JAM3: variants seen among roughly 807,000 people sequenced by gnomAD.
JAM3 encodes junctional adhesion molecule C.
Under a neutral mutation model 39.4 loss-of-function variants are expected in JAM3, and 31 were observed. That is an observed-to-expected ratio of 0.79 (90% confidence interval 0.59 to 1.06). The LOEUF (loss-of-function observed/expected upper bound fraction) is 1.06, where lower values mean the gene tolerates loss of function less well. Ranked by LOEUF, JAM3 falls within the 50% of genes least tolerant of loss-of-function variation. JAM3 has a pLI of 0.00. For synonymous variants in JAM3, 182 were observed against 148.7 expected (o/e 1.22, Z -1.63); for missense variants, 455 against 391.4 (o/e 1.16, Z -1.37).
intron 1 of JAM3, among the ~76,000 whole-genome samples, chr11:134,103,031 G>A (rs191172250): frequency 4.6e-5 from 7 of 152,170 alleles, no homozygotes; most frequent in African/African-American, 7.2e-5. Flanking sequence ...GATACTCCTC[G>A]AGAAGAGCAA....
At chr11:134,113,065 C>G (rs999308597) in intron 1 of JAM3, among the ~76,000 whole-genome samples, 1 of 152,132 alleles carries the variant, frequency 6.6e-6, no homozygotes, top group Non-Finnish European at 1.5e-5. Context: ...ATCTCGGTCA[C>G]TTGAATCTTC....
rs141271744 is a variant in JAM3 at position 134,129,624 on chromosome 11, T to C, written c.77-10227T>C. Among the ~76,000 whole-genome samples the C allele has an allele frequency of 1.0e-3, 156 of 152,350 alleles. 1 individual carries two copies. In the East Asian group the frequency reaches 0.027, roughly 26 times the overall value. On this transcript the variant is annotated intron_variant, in intron 1 of 8. Coordinates refer to ENST00000299106, the MANE Select transcript of JAM3 (RefSeq NM_032801.5). ...TCTTCTAAAATGTTTAACTTACTTATCTTCAGTTATTGGTGAAAGAAGGGT... is the reference window on the plus strand; with the variant it reads ...TCTTCTAAAATGTTTAACTTACTTACCTTCAGTTATTGGTGAAAGAAGGGT...
intron 1 of JAM3, among the ~76,000 whole-genome samples, chr11:134,125,813 C>T (rs1439925964): frequency 1.3e-5 from 2 of 152,194 alleles, no homozygotes; most frequent in African/African-American, 2.4e-5. Flanking sequence ...GGAGAAAGCA[C>T]AGTGTCTGCT....
At chr11:134,124,594 A>G (rs1942607016) in intron 1 of JAM3, among the ~76,000 whole-genome samples, 1 of 152,242 alleles carries the variant, frequency 6.6e-6, no homozygotes, top group South Asian at 2.1e-4. Context: ...AAAAAATCCA[A>G]CTACATAAGC....
intron 1 of JAM3, among the ~76,000 whole-genome samples, chr11:134,125,157 C>G (rs1039427216): frequency 2.6e-5 from 4 of 152,240 alleles, no homozygotes; most frequent in Non-Finnish European, 5.9e-5. Context: ...ACAACGGCTA[C>G]AGCCCGGCCG....
At chr11:134,110,149 T>G (rs1942281968) in intron 1 of JAM3, among the ~76,000 whole-genome samples, 1 of 152,188 alleles carries the variant, frequency 6.6e-6, no homozygotes, top group Non-Finnish European at 1.5e-5. Context: ...TGACAAAAAC[T>G]AAAAAGATTG....
chr11:134,073,240 T>C (rs1226734567), intron 1 of JAM3, among the ~76,000 whole-genome samples: 6 of 152,206 alleles, frequency 3.9e-5, no homozygotes. Flanking sequence ...TGTTTTGTGT[T>C]GGTGTGTTTC....
intron 1 of JAM3, among the ~76,000 whole-genome samples, chr11:134,089,806 T>A (rs1376648904): frequency 6.6e-6 from 1 of 152,198 alleles, no homozygotes; most frequent in African/African-American, 2.4e-5. Flanking sequence ...TGATTTATAA[T>A]CCTTTGGGTA....
intron 1 of JAM3, among the ~76,000 whole-genome samples, chr11:134,118,969 CTT>C (rs61244231): frequency 3.2e-4 from 45 of 140,358 alleles, no homozygotes; most frequent in African/African-American, 5.0e-4. Flanking sequence ...CTCAAGAAAT[CTT>C]TTTTTTTTTT....
intron 1 of JAM3, among the ~76,000 whole-genome samples, chr11:134,094,614 CT>C: frequency 6.6e-6 from 1 of 151,190 alleles, no homozygotes; most frequent in Non-Finnish European, 1.5e-5. Flanking sequence ...CTGAGGGAAG[CT>C]TCTCCTGAAC....
intron 1 of JAM3, chr11:134,139,532 C>G (rs1267257335): frequency 2.8e-6 from 1 of 361,030 alleles, no homozygotes; most frequent in Admixed American, 3.8e-5. Context: ...CCGGGCAGGT[C>G]TGGGAGGAGA....
chr11:134,076,893 G>C (rs1393181680), intron 1 of JAM3, among the ~76,000 whole-genome samples: 1 of 147,594 alleles, frequency 6.8e-6, no homozygotes, highest in African/African-American at 2.5e-5. Flanking sequence ...GGAGTGCAGT[G>C]GTGCGATCTC....
At chr11:134,094,910 A>G (rs1465532208) in intron 1 of JAM3, among the ~76,000 whole-genome samples, 1 of 152,258 alleles carries the variant, frequency 6.6e-6, no homozygotes, top group Non-Finnish European at 1.5e-5. Flanking sequence ...ACATTTGTTG[A>G]ATAAATGACT....
intron 1 of JAM3, among the ~76,000 whole-genome samples, chr11:134,081,956 G>A (rs970104810): frequency 2.0e-5 from 3 of 152,268 alleles, no homozygotes; most frequent in African/African-American, 7.2e-5. Flanking sequence ...GTGTGACCTG[G>A]ATATGAGACT....
At chr11:134,086,718 G>A (rs1011539502) in intron 1 of JAM3, among the ~76,000 whole-genome samples, 2 of 152,104 alleles carry the variant, frequency 1.3e-5, no homozygotes, top group South Asian at 2.1e-4. Flanking sequence ...AAAATGCCAC[G>A]TAAATAGATA....
chr11:134,130,679 C>T (rs1034723309), intron 1 of JAM3, among the ~76,000 whole-genome samples: 2 of 152,206 alleles, frequency 1.3e-5, no homozygotes, highest in Non-Finnish European at 2.9e-5. Flanking sequence ...TTTTTACACA[C>T]CCTTGCCCTA....
intron 1 of JAM3, among the ~76,000 whole-genome samples, chr11:134,107,529 T>TA (rs1462558260): frequency 6.6e-6 from 1 of 151,742 alleles, no homozygotes; most frequent in Non-Finnish European, 1.5e-5. Flanking sequence ...TGAATGAAAA[T>TA]AAAAATGTGA....
chr11:134,080,891 G>T (rs1030087038), intron 1 of JAM3, among the ~76,000 whole-genome samples: 13 of 152,204 alleles, frequency 8.5e-5, no homozygotes, highest in Non-Finnish European at 1.6e-4. Context: ...TTGTTGAATG[G>T]TTTTTACCAA....
At chr11:134,107,387 C>G (rs936066119) in intron 1 of JAM3, among the ~76,000 whole-genome samples, 1 of 151,930 alleles carries the variant, frequency 6.6e-6, no homozygotes, top group Non-Finnish European at 1.5e-5. Flanking sequence ...ATGTAAATGA[C>G]GAGTTAATGG....
Sources: gnomAD v4.1 joint callset for allele counts (sites outside exome capture counted in the v4.1 genomes callset) on GRCh38, gnomAD v4.1.1 for gene constraint, MANE v1.5 for transcripts, NCBI Gene and HGNC (gene_info 2026-07-23, HGNC 2026-07-21) for gene names.